FRAS1: variants seen among roughly 807,000 people sequenced by gnomAD.
FRAS1 encodes the protein Fraser extracellular matrix complex subunit 1.
A neutral mutation model predicts 435.2 loss-of-function variants in FRAS1; 290 were observed. That is an observed-to-expected ratio of 0.67 (90% CI 0.61 to 0.73). The LOEUF is 0.73. Among genes scored for constraint, FRAS1 ranks in the 30% least tolerant of loss-of-function variants. FRAS1 has a pLI of 0.00. For missense variants in FRAS1, 4,860 were observed against 5,001.5 expected (o/e 0.97, Z 0.85); for synonymous variants, 1,800 against 1,851.0 (o/e 0.97, Z 0.71).
At chr4:78,532,453 T>C (rs574741690) in intron 70 of FRAS1, among the ~76,000 whole-genome samples, 14 of 152,328 alleles carry the variant, frequency 9.2e-5, no homozygotes, top group African/African-American at 2.6e-4. Context: ...GTGAAATGAT[T>C]ACTAAAGTCA....
intron 11 of FRAS1, among the ~76,000 whole-genome samples, chr4:78,282,281 G>A (rs1161968203): frequency 6.6e-6 from 1 of 152,148 alleles, no homozygotes; most frequent in Non-Finnish European, 1.5e-5. Flanking sequence ...GTATTTTAGT[G>A]TGTGAAAGCT....
chr4:78,219,331 C>A (rs569249097), intron 2 of FRAS1, among the ~76,000 whole-genome samples: 73 of 152,068 alleles, frequency 4.8e-4, no homozygotes, highest in African/African-American at 1.7e-3. Context: ...CACCAAAGAC[C>A]TATTATTTTA....
intron 33 of FRAS1, 144 bp downstream of exon 33, chr4:78,419,207 C>T (rs11727906): frequency 0.22 from 114,931 of 531,766 alleles, 14,097 homozygotes; most frequent in African/African-American, 0.33. Context: ...TCATATTTCT[C>T]GCTCCTGTCT....
At chr4:78,432,675 G>A in intron 38 of FRAS1, 71 bp downstream of exon 38, 1 of 1,471,784 alleles carries the variant, frequency 6.8e-7, no homozygotes, top group Non-Finnish European at 9.0e-7. Context: ...GGGCAGCAAT[G>A]CCATGGCTGA....
intron 20 of FRAS1, among the ~76,000 whole-genome samples, chr4:78,356,292 T>C (rs368828241): frequency 6.6e-6 from 1 of 152,188 alleles, no homozygotes; most frequent in African/African-American, 2.4e-5. Flanking sequence ...ATTGACCTTT[T>C]TCGTGGGCCT....
chr4:78,313,695 T>C (rs1729126055), intron 15 of FRAS1, among the ~76,000 whole-genome samples: 1 of 152,020 alleles, frequency 6.6e-6, no homozygotes, highest in African/African-American at 2.4e-5. Context: ...TAGATATTCT[T>C]TCAGCAATCA....
At chr4:78,329,063 C>T (rs756075143) in intron 18 of FRAS1, among the ~76,000 whole-genome samples, 29 of 152,166 alleles carry the variant, frequency 1.9e-4, no homozygotes, top group Non-Finnish European at 2.6e-4. Flanking sequence ...CTGTTGTTCC[C>T]ACTACCATCC....
At chr4:78,182,146 T>A (rs1480898006) in intron 2 of FRAS1, 3 of 814,688 alleles carry the variant, frequency 3.7e-6, no homozygotes, top group Non-Finnish European at 5.8e-6. Flanking sequence ...CGGGCCAAGA[T>A]GGAAGCAGGT....
intron 37 of FRAS1, among the ~76,000 whole-genome samples, chr4:78,431,398 G>A (rs776206591): frequency 5.3e-5 from 8 of 152,164 alleles, no homozygotes; most frequent in East Asian, 1.9e-4. Flanking sequence ...ATCTAAAGGC[G>A]TTGATAAAAA....
intron 2 of FRAS1, among the ~76,000 whole-genome samples, chr4:78,146,606 G>A (rs753444673): frequency 4.5e-4 from 69 of 151,918 alleles, no homozygotes; most frequent in Non-Finnish European, 8.5e-4. Flanking sequence ...AACTTATTTC[G>A]TCTATGTCCA....
chr4:78,276,267 C>A (rs754166209), intron 9 of FRAS1, among the ~76,000 whole-genome samples: 3 of 152,186 alleles, frequency 2.0e-5, no homozygotes, highest in Non-Finnish European at 4.4e-5. Context: ...TGAACTCCCT[C>A]CTTTAGCTTG....
chr4:78,354,497 T>A (rs953356201), intron 20 of FRAS1, among the ~76,000 whole-genome samples: 4 of 152,200 alleles, frequency 2.6e-5, no homozygotes, highest in Non-Finnish European at 5.9e-5. Context: ...TTCTGTCATC[T>A]GTATGTTATT....
chr4:78,539,523 A>G (rs991659668), intron 73 of FRAS1, 83 bp downstream of exon 73: 2 of 1,206,912 alleles, frequency 1.7e-6, no homozygotes, highest in Admixed American at 2.4e-5. Context: ...GGAGGACTGC[A>G]ACATCTCTGG....
intron 2 of FRAS1, among the ~76,000 whole-genome samples, chr4:78,172,812 A>G (rs1721614441): frequency 6.6e-6 from 1 of 151,798 alleles, no homozygotes; most frequent in South Asian, 2.1e-4. Flanking sequence ...ACATTAGTCT[A>G]TTGAGAGTCT....
At chr4:78,530,746 G>A (rs1240536384) in intron 70 of FRAS1, among the ~76,000 whole-genome samples, 1 of 152,150 alleles carries the variant, frequency 6.6e-6, no homozygotes, top group Non-Finnish European at 1.5e-5. Context: ...CTGTAGCCTT[G>A]TAGTATAGTT....
chr4:78,233,392 C>T (rs1387183410), intron 2 of FRAS1, among the ~76,000 whole-genome samples: 1 of 152,186 alleles, frequency 6.6e-6, no homozygotes, highest in South Asian at 2.1e-4. Context: ...GTTCTGGATC[C>T]TCTAAATGCT....
In FRAS1 at chr4:78,248,627, G is replaced by A. The variant is rs950893598; in HGVS notation, c.309+3302G>A. ...GTTCTTCAGCCTTGTTCTCCTCAAA[G>A]TAGAGGATGTAATTATAATATGCAC... On this transcript the variant is annotated intron_variant, in intron 4 of 73. Transcript: ENST00000512123. Among the ~76,000 whole-genome samples, 3 of 152,122 alleles carry A rather than the reference G, an allele frequency of 2.0e-5. No homozygotes were observed. In the South Asian group the frequency reaches 6.2e-4, roughly 32 times the overall value.
chr4:78,367,444 G>A (rs77548352), intron 22 of FRAS1, among the ~76,000 whole-genome samples: 1,859 of 151,654 alleles, frequency 0.012, 36 homozygotes, highest in African/African-American at 0.042. Context: ...GGAACACAGC[G>A]GCAGGTGGAA....
intron 38 of FRAS1, 36 bp from the exon 39 acceptor site, chr4:78,438,533 TG>T (rs759817917): frequency 6.2e-7 from 1 of 1,611,244 alleles, no homozygotes; most frequent in South Asian, 1.1e-5. Flanking sequence ...TTCCTGCAAA[TG>T]TGCGTTCATG....
Sources: allele counts gnomAD v4.1 joint callset (sites outside exome capture counted in the v4.1 genomes callset), GRCh38; gene constraint gnomAD v4.1.1; transcripts MANE v1.5; gene names NCBI Gene and HGNC (gene_info 2026-07-23, HGNC 2026-07-21).